Variants in RAD54L2 observed in about 807,000 individuals in gnomAD.
RAD54L2 encodes the protein RAD54 like 2, also known as helicase ARIP4.
In RAD54L2, 27 loss-of-function variants were observed where a neutral mutation model predicts 138.4. The observed-to-expected ratio is 0.20, with a 90% CI of 0.14 to 0.27. The LOEUF (loss-of-function observed/expected upper bound fraction) is 0.27. Ranked by LOEUF, RAD54L2 falls within the 10% of genes least tolerant of loss-of-function variation. The pLI is 1.00. For missense variants in RAD54L2, 1,396 were observed against 1,890.2 expected (o/e 0.74, Z 4.85); for synonymous variants, 644 against 723.2 (o/e 0.89, Z 1.76).
chr3:51,663,523 G>A lies in RAD54L2; in HGVS notation c.*103G>A. Reference sequence around the variant, plus strand: ...TTGAGAATAGGACACTTGGCAGGAGGGAAAAGGAAGAGGACAAAGGAGGGT... The same window carrying A: ...TTGAGAATAGGACACTTGGCAGGAGAGAAAAGGAAGAGGACAAAGGAGGGT... On this transcript the variant is annotated 3_prime_UTR_variant, in exon 23 of 23. Coordinates refer to ENST00000684192, the MANE Select transcript of RAD54L2 (RefSeq NM_015106.4). The A allele has an allele frequency of 7.5e-7, 1 of 1,329,660 alleles. No individual in the cohort carries two copies. The allele number at this position is 1,329,660 out of a possible 1,614,324, so 82.4% of individuals were successfully genotyped here.
chr3:51,627,149 G>C (rs902759917), intron 3 of RAD54L2, among the ~76,000 whole-genome samples: 1 of 152,202 alleles, frequency 6.6e-6, no homozygotes, highest in Non-Finnish European at 1.5e-5. Context: ...GATGAGAGGT[G>C]AATGGACTTG....
chr3:51,649,008 G>A (rs573464316), intron 19 of RAD54L2, among the ~76,000 whole-genome samples: 4 of 152,156 alleles, frequency 2.6e-5, no homozygotes, highest in African/African-American at 9.6e-5. Flanking sequence ...ACTTCTCCAA[G>A]CTAAAAGAGG....
chr3:51,584,598 GAGTACTATACTCCGTATAGTACTCTAC>G (rs1045125889), intron 2 of RAD54L2, among the ~76,000 whole-genome samples: 3 of 149,670 alleles, frequency 2.0e-5, no homozygotes, highest in African/African-American at 4.9e-5. Flanking sequence ...GGTACTTGGT[GAGTACTATACTCCGTATAGTACTCTAC>G]AGTACTATAT....
chr3:51,587,963 C>T (rs139336588), intron 2 of RAD54L2, among the ~76,000 whole-genome samples: 3,045 of 151,606 alleles, frequency 0.02, 107 homozygotes, highest in African/African-American at 0.07. Context: ...AATCCCAGCA[C>T]TTTGGGAGGT....
rs1425581865 is a variant in RAD54L2, at chr3:51,638,198, C to T, written c.1737C>T (p.Ile579=). The change falls in exon 12 of 23, where the codon ATC becomes ATT. Residue 579 remains isoleucine, a synonymous_variant. Transcript: ENST00000684192. This position sits in a 1 kb window ranked among gnomAD's most constrained non-coding sequence, Gnocchi z 4.3. Reference sequence around the variant, plus strand: ...TCCCTGCCAAGGAAGAAAATGTGATCCTTGTGCGGCTCTCCAAGATCCAGC... The same window carrying T: ...TCCCTGCCAAGGAAGAAAATGTGATTCTTGTGCGGCTCTCCAAGATCCAGC... The part of the protein sequence containing the change: ...IHLPAKEENV[I]LVRLSKIQRD... 8 of 1,613,874 alleles carry T rather than the reference C, an allele frequency of 5.0e-6. No individual in the cohort carries two copies. The Admixed American group carries it at 1.0e-4, about 20-fold the overall frequency.
chr3:51,561,992 C>A (rs528528410), intron 2 of RAD54L2, among the ~76,000 whole-genome samples: 1 of 151,976 alleles, frequency 6.6e-6, no homozygotes, highest in Non-Finnish European at 1.5e-5. Flanking sequence ...CCTCAGCCTC[C>A]CAAGTAACTG....
At chr3:51,660,295 TTTTG>T (rs942014718) in intron 22 of RAD54L2, among the ~76,000 whole-genome samples, 177 bp downstream of exon 22, 3 of 152,034 alleles carry the variant, frequency 2.0e-5, no homozygotes, top group Admixed American at 6.5e-5. Context: ...TTTTGTTTCT[TTTTG>T]TTTGTTTGTT....
At chr3:51,630,198 G>C (rs980675799) in intron 5 of RAD54L2, 74 bp from the exon 6 acceptor site, 1 of 1,152,542 alleles carries the variant, frequency 8.7e-7, no homozygotes, top group Non-Finnish European at 1.3e-6. Context: ...AAAAGGGGTG[G>C]TGAATTGTTT....
rs1044538024 is a variant in RAD54L2, at chr3:51,665,134, C to T, written c.*1714C>T. On this transcript the variant is annotated 3_prime_UTR_variant, in exon 23 of 23. Coordinates refer to ENST00000684192, the MANE Select transcript of RAD54L2 (RefSeq NM_015106.4). ...GGGTCGTCTAGTCCTTAAGCATAAA[C>T]ACTGGCTGTCTTCCTACTGGTGTCC... The T allele has an allele frequency of 6.6e-6, 1 of 152,220 alleles. No individual in the cohort carries two copies. Among genetic ancestry groups the T allele is most frequent in the African/African-American group, 2.4e-5 (1 of 41,432 alleles). 9.4% of individuals were successfully genotyped at this position (152,220 alleles called of 1,614,324 possible).
At chr3:51,551,628 T>C (rs1164421224) in intron 2 of RAD54L2, among the ~76,000 whole-genome samples, 3 of 151,450 alleles carry the variant, frequency 2.0e-5, no homozygotes, top group African/African-American at 7.3e-5. Flanking sequence ...AGAGATGGGG[T>C]TTCACCATGT....
intron 2 of RAD54L2, among the ~76,000 whole-genome samples, chr3:51,569,342 A>T (rs60007226): frequency 0.068 from 10,309 of 152,210 alleles, 907 homozygotes; most frequent in East Asian, 0.33. Flanking sequence ...TCACAAAATG[A>T]TGCATACTTC....
rs763411135 is a variant in RAD54L2 at position 51,627,698 on chromosome 3, C to G, written c.285C>G (p.Ser95=). ...GCCACCAAGGCAAGAACCTAGCCTC[C>G]GAGGACCCCAAAAAGAAGAGAGCTC... ...LRRHQGKNLA[S]EDPKKKRAQK... is the part of the protein sequence containing the mutation. The change falls in exon 4 of 23, where the codon TCC becomes TCG. Residue 95 remains serine (S), a synonymous_variant. Coordinates refer to ENST00000684192, the MANE Select transcript of RAD54L2 (RefSeq NM_015106.4). The G allele has an allele frequency of 3.1e-6, 5 of 1,613,360 alleles. No individual in the cohort carries two copies. The Middle Eastern group carries it at 6.6e-4, about 212-fold the overall frequency.
chr3:51,662,603 C>A lies in RAD54L2; in HGVS notation c.3587C>A (p.Pro1196Gln), dbSNP rs142087841. Reference sequence around the variant, plus strand: ...GCCCGGGAATCCCGTCAGAGCTCCCCAAGCACCAATGCCGCCCTGCCTGGC... The same window carrying A: ...GCCCGGGAATCCCGTCAGAGCTCCCAAAGCACCAATGCCGCCCTGCCTGGC... ...AAARESRQSS[P>Q]STNAALPGPP... is the part of the protein sequence containing the mutation. Residue 1196 changes from proline (P) to glutamine (Q), a missense_variant, in exon 23 of 23, where the codon CCA becomes CAA. This residue lies in a region of RAD54L2 where 634 missense variants were observed against 711.2 expected (regional missense o/e 0.89). Coordinates refer to ENST00000684192, the MANE Select transcript of RAD54L2 (RefSeq NM_015106.4). The surrounding 1 kb of genome is among the most constrained non-coding windows in gnomAD (Gnocchi z 4.6). The A allele has an allele frequency of 6.2e-7, 1 of 1,613,114 alleles. No individual in the cohort carries two copies. The highest frequency in any genetic ancestry group is 1.7e-5 in the Admixed American group (1 of 59,910).
intron 15 of RAD54L2, among the ~76,000 whole-genome samples, chr3:51,642,372 T>G (rs1188894867): frequency 6.6e-6 from 1 of 151,652 alleles, no homozygotes; most frequent in Non-Finnish European, 1.5e-5. Context: ...AATCTTAACT[T>G]TTAAAATGTG....
Position 51,663,594 on chromosome 3 carries a change from C to CAAAAAAAAAAAAA in RAD54L2, c.*186_*198dup, listed in dbSNP as rs34235841. On this transcript the variant is annotated 3_prime_UTR_variant, in exon 23 of 23. Coordinates refer to ENST00000684192, the MANE Select transcript of RAD54L2 (RefSeq NM_015106.4). The stretch of plus-strand genomic sequence containing the variant: ...CTCTGTTGCTGTTTAACAAAAGAGG[C>CAAAAAAAAAAAAA]AAAAAAAAAAAAAAAAAAAAAAAAG... 3.7e-5 allele frequency: 2 copies of CAAAAAAAAAAAAA among 53,502 alleles called. No individual in the cohort carries two copies. The highest frequency in any genetic ancestry group is 8.8e-5 in the African/African-American group (1 of 11,424). The allele number at this position is 53,502 out of a possible 1,614,324, so 3.3% of individuals were successfully genotyped here. A position where few individuals can be genotyped will look rare whatever the true frequency, so the allele number is the denominator to read the frequency against.
chr3:51,644,018 C>A, intron 16 of RAD54L2, 44 bp downstream of exon 16: 1 of 1,478,542 alleles, frequency 6.8e-7, no homozygotes, highest in Non-Finnish European at 9.2e-7. Flanking sequence ...TCTGTTCAGG[C>A]AGTTGGCCAC....
rs140343183 is a variant in RAD54L2 at position 51,543,772 on chromosome 3, C to T, written c.-55+2122C>T. 2.0e-3 allele frequency among the ~76,000 whole-genome samples: 297 copies of T among 152,198 alleles called. 1 individual carries two copies. Among genetic ancestry groups the T allele is most frequent in the South Asian group, 6.7e-3 (32 of 4,810 alleles). On this transcript the variant is annotated intron_variant, in intron 2 of 22. Coordinates refer to ENST00000684192, the MANE Select transcript of RAD54L2 (RefSeq NM_015106.4). ...GCCACATTTACTCTGGCACGTGAGGCTCAGTTATAGTGAACTCCTTGAAGG... is the reference window on the plus strand; with the variant it reads ...GCCACATTTACTCTGGCACGTGAGGTTCAGTTATAGTGAACTCCTTGAAGG...
intron 3 of RAD54L2, among the ~76,000 whole-genome samples, chr3:51,600,640 A>G (rs1472481908): frequency 6.6e-6 from 1 of 152,034 alleles, no homozygotes; most frequent in East Asian, 1.9e-4. Context: ...CTTGATCTTT[A>G]CTTAGATTTA....
At position 51,655,937 on chromosome 3, in the gene RAD54L2, A is replaced by G. The variant is rs1304885006; in HGVS notation, c.3027-34A>G. 6 of 1,551,770 alleles carry G rather than the reference A, an allele frequency of 3.9e-6. No individual in the cohort carries two copies. The African/African-American group carries it at 8.2e-5, about 21-fold the overall frequency. On this transcript the variant is annotated intron_variant, in intron 19 of 22. Transcript: ENST00000684192. ...TGGAAAAGGTAACAGTTGTTCTGCC[A>G]AACTCTTTTAGTGTCCTTGTCTTTC...
Sources: gnomAD v4.1 joint callset for allele counts (sites outside exome capture counted in the v4.1 genomes callset) on GRCh38, gnomAD v4.1.1 for gene constraint, gnomAD v4.1.1 regional missense constraint, Gnocchi (gnomAD v3.1) non-coding constraint, MANE v1.5 for transcripts, NCBI Gene and HGNC (gene_info 2026-07-23, HGNC 2026-07-21) for gene names.